Variants in TTC8 observed in about 807,000 individuals in gnomAD.
The protein encoded by TTC8 is tetratricopeptide repeat domain 8, also known as tetratricopeptide repeat protein 8.
Under a neutral mutation model 72.5 loss-of-function variants are expected in TTC8, and 47 were observed. That is an observed-to-expected ratio of 0.65 (90% CI 0.51 to 0.83). TTC8 has a LOEUF of 0.83. TTC8 is among the 40% of genes least tolerant of loss of function. TTC8 has a pLI of 0.00. For synonymous variants in TTC8, 199 were observed against 221.4 expected (o/e 0.90, Z 0.90); for missense variants, 611 against 623.2 (o/e 0.98, Z 0.21).
rs2094963762 is a variant in TTC8 at position 88,877,975 on chromosome 14, T to C, written c.*565T>C. On this transcript the variant is annotated 3_prime_UTR_variant, in exon 15 of 15. Transcript: ENST00000380656. ...CCTATTAAGCTTTAAAATAAATCAT[T>C]GTGTAAAACACCATCATTTCATTAT... The C allele has an allele frequency of 6.6e-6, 1 of 152,236 alleles. No homozygotes were observed. The highest frequency in any genetic ancestry group is 1.5e-5 in the Non-Finnish European group (1 of 68,042). The allele number at this position is 152,236 out of a possible 1,614,324, so 9.4% of individuals were successfully genotyped here. A position where few individuals can be genotyped will look rare whatever the true frequency, so the allele number is the denominator to read the frequency against.
rs771272956 is a variant in TTC8, at chr14:88,841,146, A to C, written c.439A>C (p.Thr147Pro). The change falls in exon 5 of 15, where the codon ACA becomes CCA. Residue 147 changes from threonine (T) to proline (P), a missense_variant. Coordinates refer to ENST00000380656, the MANE Select transcript of TTC8 (RefSeq NM_144596.4). The stretch of plus-strand genomic sequence containing the variant: ...TATCAGAACACCCAGAACCGCCTAC[A>C]CAGCCCGCCCTATCACCAGCTCCTC... Reference protein sequence around the residue: ...QAIRTPRTAYTARPITSSSGR... With the variant: ...QAIRTPRTAYPARPITSSSGR... The C allele has an allele frequency of 1.2e-6, 2 of 1,614,086 alleles. No individual in the cohort carries two copies. The highest frequency in any genetic ancestry group is 1.7e-6 in the Non-Finnish European group (2 of 1,180,006).
intron 8 of TTC8, among the ~76,000 whole-genome samples, chr14:88,855,536 A>G (rs2094852224): frequency 6.6e-6 from 1 of 152,206 alleles, no homozygotes; most frequent in Non-Finnish European, 1.5e-5. Flanking sequence ...GGCTGTAGTA[A>G]TAAAGAACAT....
chr14:88,863,867 T>C (rs2094898814), intron 10 of TTC8, among the ~76,000 whole-genome samples: 1 of 152,244 alleles, frequency 6.6e-6, no homozygotes, highest in African/African-American at 2.4e-5. Flanking sequence ...TAAGATCTTG[T>C]TCATAGGTCC....
chr14:88,825,296 G>A (rs974226485), intron 1 of TTC8, among the ~76,000 whole-genome samples: 1 of 152,144 alleles, frequency 6.6e-6, no homozygotes, highest in East Asian at 1.9e-4. Flanking sequence ...TTAGACTGTT[G>A]TCCAAGAGTG....
At chr14:88,834,489 G>A (rs1423930979) in intron 2 of TTC8, among the ~76,000 whole-genome samples, 4 of 152,152 alleles carry the variant, frequency 2.6e-5, no homozygotes, top group Non-Finnish European at 4.4e-5. Flanking sequence ...GTAAATAAAA[G>A]ACTTGAACCT....
intron 2 of TTC8, among the ~76,000 whole-genome samples, chr14:88,836,110 G>A (rs1009620520): frequency 6.6e-6 from 1 of 151,998 alleles, no homozygotes; most frequent in Admixed American, 6.5e-5. Context: ...TCATACCATT[G>A]TTTCTTAAGA....
chr14:88,868,033 A>C (rs2141029301), intron 10 of TTC8, among the ~76,000 whole-genome samples: 1 of 152,338 alleles, frequency 6.6e-6, no homozygotes, highest in African/African-American at 2.4e-5. Context: ...AGAGAGAGAT[A>C]CAAGATTTCG....
intron 2 of TTC8, among the ~76,000 whole-genome samples, chr14:88,838,369 C>A (rs143248235): frequency 6.6e-6 from 1 of 152,268 alleles, no homozygotes; most frequent in African/African-American, 2.4e-5. Context: ...ATACTGAATG[C>A]ATCTTGAGTT....
At chr14:88,861,011 C>T (rs140018040) in intron 9 of TTC8, among the ~76,000 whole-genome samples, 4 of 151,998 alleles carry the variant, frequency 2.6e-5, no homozygotes, top group African/African-American at 9.6e-5. Context: ...ACTGTGTTGC[C>T]CAGGCTGGTC....
At chr14:88,835,387 G>A (rs2094745908) in intron 2 of TTC8, among the ~76,000 whole-genome samples, 1 of 152,128 alleles carries the variant, frequency 6.6e-6, no homozygotes, top group Admixed American at 6.5e-5. Context: ...ATGTTTGCTG[G>A]CAAGTATCTG....
In TTC8 at chr14:88,841,064, T is replaced by C. The variant is rs567203939; in HGVS notation, c.357T>C (p.Ile119=). Residue 119 remains isoleucine, a synonymous_variant, in exon 5 of 15, where the codon ATT becomes ATC. Transcript: ENST00000380656. ...CAATCACACAAGCTGGAAGACCCATTACAGGTTTCCTCAGGCCCAGCACGC... is the reference window on the plus strand; with the variant it reads ...CAATCACACAAGCTGGAAGACCCATCACAGGTTTCCTCAGGCCCAGCACGC... ...VRPITQAGRP[I]TGFLRPSTQS... The C allele has an allele frequency of 9.0e-5, 146 of 1,614,076 alleles. No homozygotes were observed. The South Asian group carries it at 9.4e-4, about 10-fold the overall frequency.
chr14:88,864,450 C>A (rs2094901204), intron 10 of TTC8, among the ~76,000 whole-genome samples: 1 of 152,186 alleles, frequency 6.6e-6, no homozygotes, highest in Non-Finnish European at 1.5e-5. Flanking sequence ...TCTTCTTAGA[C>A]AGGAAGTGCT....
chr14:88,846,090 G>T (rs753470018), intron 7 of TTC8, among the ~76,000 whole-genome samples: 2 of 151,964 alleles, frequency 1.3e-5, no homozygotes, highest in Non-Finnish European at 2.9e-5. Context: ...GTGTATCACT[G>T]GAGCCCAGGG....
intron 3 of TTC8, 39 bp downstream of exon 3, chr14:88,839,611 T>G: frequency 6.2e-7 from 1 of 1,608,476 alleles, no homozygotes; most frequent in Non-Finnish European, 8.5e-7. Context: ...TGAAATACCA[T>G]TAAGAGGAAG....
chr14:88,863,880 T>C (rs897275363), intron 10 of TTC8, among the ~76,000 whole-genome samples: 1 of 152,238 alleles, frequency 6.6e-6, no homozygotes, highest in African/African-American at 2.4e-5. Flanking sequence ...ATAGGTCCTC[T>C]TGGATATTCT....
At chr14:88,854,982 C>G (rs2141003269) in intron 8 of TTC8, among the ~76,000 whole-genome samples, 1 of 152,328 alleles carries the variant, frequency 6.6e-6, no homozygotes, top group East Asian at 1.9e-4. Flanking sequence ...CCATTGAATC[C>G]TGCCATACTC....
At chr14:88,839,599 A>G (rs368151528) in intron 3 of TTC8, 27 bp downstream of exon 3, 83 of 1,611,572 alleles carry the variant, frequency 5.2e-5, no homozygotes, top group Non-Finnish European at 6.9e-5. Context: ...CAGTTAAGTT[A>G]ATGAAATACC....
chr14:88,829,933 C>T (rs1032295340), intron 1 of TTC8, among the ~76,000 whole-genome samples: 13 of 152,122 alleles, frequency 8.5e-5, no homozygotes, highest in African/African-American at 3.1e-4. Context: ...CAGACTTAAT[C>T]CTTTGATTCT....
chr14:88,853,418 T>C (rs2094842616), intron 8 of TTC8, among the ~76,000 whole-genome samples: 1 of 152,174 alleles, frequency 6.6e-6, no homozygotes, highest in African/African-American at 2.4e-5. Flanking sequence ...TAATCAAATC[T>C]TTTTATTTAC....
Sources: allele counts gnomAD v4.1 joint callset (sites outside exome capture counted in the v4.1 genomes callset), GRCh38; gene constraint gnomAD v4.1.1; transcripts MANE v1.5; gene names NCBI Gene and HGNC (gene_info 2026-07-23, HGNC 2026-07-21).